ANK3: variants seen among roughly 807,000 people sequenced by gnomAD.
The protein encoded by ANK3 is ankyrin 3.
A neutral mutation model predicts 370.9 loss-of-function variants in ANK3; 57 were observed. The ratio of observed to expected loss-of-function variants is 0.15; its 90% CI spans 0.12 to 0.19. The LOEUF is 0.19. ANK3 is among the 10% of genes least tolerant of loss of function. The probability of loss-of-function intolerance (pLI) is 1.00; values close to 1 mark genes in which losing one functional copy is unlikely to be tolerated. For missense variants in ANK3, 4,439 were observed against 5,302.1 expected, an observed-to-expected ratio of 0.84 and a Z score of 5.06; for synonymous variants, 1,929 against 1,946.3, an observed-to-expected ratio of 0.99 and a Z score of 0.23.
intron 7 of ANK3, among the ~76,000 whole-genome samples, chr10:60,255,891 A>G (rs2097727483): frequency 6.6e-6 from 1 of 152,114 alleles, no homozygotes; most frequent in African/African-American, 2.4e-5. Flanking sequence ...TTCCTTCCTC[A>G]CTGGGGCCCA....
In ANK3 at chr10:60,196,833, T is replaced by C. The variant is rs574387320; in HGVS notation, c.1690-208A>G. On this transcript the variant is annotated intron_variant, in intron 14 of 43. Transcript: ENST00000280772. ...AGATAAGAGTTCAAGAGCCTTCTTA[T>C]TGACAGGGTGTGAGCATAACATACC... 2.8e-4 allele frequency among the ~76,000 whole-genome samples: 43 copies of C among 152,306 alleles called. No individual in the cohort carries two copies. In the South Asian group the frequency reaches 8.9e-3, roughly 32 times the overall value.
intron 8 of ANK3, among the ~76,000 whole-genome samples, chr10:60,232,902 A>G (rs2082468836): frequency 6.6e-6 from 1 of 152,240 alleles, no homozygotes. Flanking sequence ...TCAAAGCACT[A>G]CAGAAATTAA....
At chr10:60,183,430 T>C (rs557139475) in intron 17 of ANK3, among the ~76,000 whole-genome samples, 1 of 152,318 alleles carries the variant, frequency 6.6e-6, no homozygotes, top group South Asian at 2.1e-4. Context: ...ATTATATAAA[T>C]AACATTTTAT....
At chr10:60,045,338 A>C (rs1666887143) in intron 42 of ANK3, among the ~76,000 whole-genome samples, 1 of 152,178 alleles carries the variant, frequency 6.6e-6, no homozygotes, top group Non-Finnish European at 1.5e-5. Context: ...TAAAAATAGA[A>C]TACATTCTTA....
intron 1 of ANK3, among the ~76,000 whole-genome samples, chr10:60,330,917 C>G (rs772797561): frequency 6.6e-6 from 1 of 152,140 alleles, no homozygotes; most frequent in Non-Finnish European, 1.5e-5. Context: ...ACATATACCC[C>G]ATGGAATACT....
chr10:60,430,387 C>T (rs990169296), intron 2 of ANK3, among the ~76,000 whole-genome samples: 1 of 152,036 alleles, frequency 6.6e-6, no homozygotes, highest in African/African-American at 2.4e-5. Flanking sequence ...GAGGTGGTAT[C>T]GGTGGTCCAT....
intron 2 of ANK3, among the ~76,000 whole-genome samples, chr10:60,599,300 T>C (rs2078029393): frequency 6.6e-6 from 1 of 152,096 alleles, no homozygotes; most frequent in African/African-American, 2.4e-5. Context: ...GTAAGCAAGG[T>C]TTCTCTTCTA....
At chr10:60,100,263 C>A (rs9651301) in intron 28 of ANK3, among the ~76,000 whole-genome samples, 8,386 of 52,840 alleles carry the variant, frequency 0.16, 747 homozygotes, top group African/African-American at 0.33. Flanking sequence ...TTTTGCACCC[C>A]AACCACAGTC....
Position 60,109,027 on chromosome 10 carries a change from C to G in ANK3, c.2976G>C (p.Ala992=), listed in dbSNP as rs747475542. The G allele has an allele frequency of 6.2e-7, 1 of 1,613,312 alleles. No homozygotes were observed. The highest frequency in any genetic ancestry group is 2.2e-5 in the East Asian group (1 of 44,868). ...GGCTTCCTCTCATGGAGCCCCCTCT[C>G]GCGTCCACCATAAAGCTAACCAGAA... ...SGFLVSFMVD[A]RGGSMRGSRH... is the part of the protein sequence containing the mutation. Residue 992 remains alanine (A), a synonymous_variant, in exon 27 of 44, where the codon GCG becomes GCC. Coordinates refer to ENST00000280772, the MANE Select transcript of ANK3 (RefSeq NM_020987.5).
At chr10:60,381,303 T>A (rs544867385) in intron 1 of ANK3, among the ~76,000 whole-genome samples, 7 of 152,328 alleles carry the variant, frequency 4.6e-5, no homozygotes, top group Admixed American at 4.6e-4. Flanking sequence ...CCTCTGTCTG[T>A]ACATAGGGTT....
At chr10:60,116,178 T>C (rs1379429258) in intron 25 of ANK3, among the ~76,000 whole-genome samples, 2 of 152,112 alleles carry the variant, frequency 1.3e-5, no homozygotes, top group Non-Finnish European at 2.9e-5. Flanking sequence ...AGAGGCACCA[T>C]ATTGAAAATG....
At chr10:60,306,428 CATATATATATAT>C (rs753175801) in intron 1 of ANK3, among the ~76,000 whole-genome samples, 32 of 112,056 alleles carry the variant, frequency 2.9e-4, no homozygotes, top group African/African-American at 1.1e-3. Flanking sequence ...GGTGTATGTG[CATATATATATAT>C]ATATATATAT....
At position 60,076,145 on chromosome 10, in the gene ANK3, G is replaced by A. The variant is rs896865622; in HGVS notation, c.4736C>T (p.Ser1579Leu). ...SPIRSFRTMSSPIKTVVSQSP... is the reference protein window; with the variant it reads ...SPIRSFRTMSLPIKTVVSQSP... Reference sequence around the variant, plus strand: ...TTGTGACACCACAGTTTTTATCGGCGAAGACATTGTCCGAAAGGATCTAAT... The same window carrying A: ...TTGTGACACCACAGTTTTTATCGGCAAAGACATTGTCCGAAAGGATCTAAT... Residue 1579 changes from serine to leucine, a missense_variant, in exon 37 of 44, where the codon TCG (serine) becomes TTG (leucine). Physicochemically the swap from Ser to Leu is moderately radical, Grantham distance 145. This residue lies in a region of ANK3 where 679 missense variants were observed against 791.0 expected (regional missense o/e 0.86). Coordinates refer to ENST00000280772, the MANE Select transcript of ANK3 (RefSeq NM_020987.5). 11 of 1,614,074 alleles carry A rather than the reference G, an allele frequency of 6.8e-6. No homozygotes were observed. Among genetic ancestry groups the A allele is most frequent in the African/African-American group, 4.0e-5 (3 of 74,930 alleles).
chr10:60,670,709 T>G (rs1339201945), intron 1 of ANK3, among the ~76,000 whole-genome samples: 4 of 152,146 alleles, frequency 2.6e-5, no homozygotes, highest in Admixed American at 2.0e-4. Context: ...TTCCACTAAG[T>G]AGCAGGGACA....
chr10:60,305,465 A>G (rs562873036), intron 1 of ANK3, among the ~76,000 whole-genome samples: 49 of 151,120 alleles, frequency 3.2e-4, no homozygotes, highest in South Asian at 1.7e-3. Flanking sequence ...TACTGGCAAG[A>G]TATTACTCTG....
rs547865824 is a variant in ANK3, at chr10:60,085,377, A to G, written c.3749-124T>C. Reference sequence around the variant, plus strand: ...GGCAAAACTTCAACACCTTCAGTTTAATAGTGTGTACTAAAGGTAGTTTTC... The same window carrying G: ...GGCAAAACTTCAACACCTTCAGTTTGATAGTGTGTACTAAAGGTAGTTTTC... On this transcript the variant is annotated intron_variant, in intron 30 of 43. Coordinates refer to ENST00000280772, the MANE Select transcript of ANK3 (RefSeq NM_020987.5). The G allele has an allele frequency of 8.0e-6, 5 of 621,480 alleles. No individual in the cohort carries two copies. In the South Asian group the frequency reaches 1.1e-4, roughly 14 times the overall value. The allele number at this position is 621,480 out of a possible 1,614,324, so 38.5% of individuals were successfully genotyped here. A position where few individuals can be genotyped will look rare whatever the true frequency, so the allele number is the denominator to read the frequency against.
intron 43 of ANK3, among the ~76,000 whole-genome samples, chr10:60,040,066 A>G (rs1000687174): frequency 1.1e-4 from 17 of 152,238 alleles, no homozygotes; most frequent in Admixed American, 2.0e-4. Flanking sequence ...ACAAAAATGT[A>G]AAAGTACTTT....
At chr10:60,352,557 T>G (rs1406637080) in intron 1 of ANK3, among the ~76,000 whole-genome samples, 1 of 152,140 alleles carries the variant, frequency 6.6e-6, no homozygotes, top group African/African-American at 2.4e-5. Context: ...AAGGAAACTA[T>G]GGTGTTTGGC....
At chr10:60,469,770 C>G (rs1433908930) in intron 2 of ANK3, among the ~76,000 whole-genome samples, 1 of 148,152 alleles carries the variant, frequency 6.7e-6, no homozygotes, top group Non-Finnish European at 1.5e-5. Context: ...CAATTGTAAA[C>G]TTTTACTAAC....
Sources: allele counts gnomAD v4.1 joint callset (sites outside exome capture counted in the v4.1 genomes callset), GRCh38; gene constraint gnomAD v4.1.1; regional missense constraint gnomAD v4.1.1; transcripts MANE v1.5; gene names NCBI Gene and HGNC (gene_info 2026-07-23, HGNC 2026-07-21).